BSCL2: variants seen among roughly 807,000 people sequenced by gnomAD.
The protein encoded by BSCL2 is seipin.
In BSCL2, 41 loss-of-function variants were observed where a neutral mutation model predicts 57.4. The ratio of observed to expected loss-of-function variants is 0.71; its 90% confidence interval spans 0.56 to 0.93. The LOEUF (loss-of-function observed/expected upper bound fraction) is 0.93. BSCL2 is among the 40% of genes least tolerant of loss of function. The pLI is 0.00. For missense variants in BSCL2, 539 were observed against 586.7 expected (o/e 0.92, Z 0.84); for synonymous variants, 237 against 227.3 (o/e 1.04, Z -0.38).
At chr11:62,708,551 G>C (rs918715972), upstream of BSCL2, 5 of 1,391,182 alleles carry the variant, frequency 3.6e-6, no homozygotes, top group Admixed American at 2.0e-5. Flanking sequence ...AGGCCTCTGG[G>C]GGGGATGAGG....
Position 62,691,388 on chromosome 11 carries a change from G to C in BSCL2, c.897C>G (p.Ala299=). 6.2e-7 allele frequency: 1 copy of C among 1,614,218 alleles called. No homozygotes were observed. Among genetic ancestry groups the C allele is most frequent in the Non-Finnish European group, 8.5e-7 (1 of 1,180,040 alleles). Residue 299 remains alanine (A), a synonymous_variant, in exon 7 of 11, where the codon GCC becomes GCG. Coordinates refer to ENST00000360796, the MANE Select transcript of BSCL2 (RefSeq NM_001122955.4). ...TGAAGTTGCTGGCAACACCTATGAAGGCGCAGGTCATCGGGAAGTTGTATA... is the reference window on the plus strand; with the variant it reads ...TGAAGTTGCTGGCAACACCTATGAACGCGCAGGTCATCGGGAAGTTGTATA... ...YLLYNFPMTC[A]FIGVASNFTF... is the part of the protein sequence containing the mutation.
At chr11:62,706,118 G>A (rs1469796995) in intron 1 of BSCL2, 12 of 702,604 alleles carry the variant, frequency 1.7e-5, no homozygotes, top group Non-Finnish European at 2.0e-5. Context: ...TACACCCCAC[G>A]CCCGGCGGAG....
At chr11:62,698,984 C>A (rs1457123700) in intron 3 of BSCL2, among the ~76,000 whole-genome samples, 1 of 152,058 alleles carries the variant, frequency 6.6e-6, no homozygotes, top group African/African-American at 2.4e-5. Flanking sequence ...CAGCTCACTG[C>A]AACCTCCGCC....
upstream of BSCL2, chr11:62,708,833 T>G (rs2083586091): frequency 2.6e-6 from 4 of 1,563,290 alleles, no homozygotes; most frequent in Non-Finnish European, 3.5e-6. Flanking sequence ...TCACAACTCC[T>G]CCCTTTTCCC....
intron 3 of BSCL2, chr11:62,697,545 T>C (rs928733968): frequency 2.0e-5 from 3 of 151,706 alleles, no homozygotes; most frequent in Non-Finnish European, 4.4e-5. Flanking sequence ...CCCAGCACTT[T>C]GGGAGGCCAA....
Position 62,690,413 on chromosome 11 carries a change from G to A in BSCL2, c.1343C>T (p.Pro448Leu). Reference sequence around the variant, plus strand: ...GCGCTGTCGGAGAGCACCCCCAGCAGGTTCAGAGCTGCCCAGAGTCTCTAG... The same window carrying A: ...GCGCTGTCGGAGAGCACCCCCAGCAAGTTCAGAGCTGCCCAGAGTCTCTAG... ...PVLETLGSSE[P>L]AGGALRQRPT... is the part of the protein sequence containing the mutation. Residue 448 changes from proline to leucine, a missense_variant, in exon 11 of 11, where the codon CCT becomes CTT. Physicochemically the swap from Pro to Leu is moderately conservative, Grantham distance 98. Transcript: ENST00000360796. The A allele has an allele frequency of 1.9e-6, 3 of 1,614,154 alleles. No homozygotes were observed. The Admixed American group carries it at 5.0e-5, about 27-fold the overall frequency.
chr11:62,696,898 T>G (rs1210946542), intron 3 of BSCL2, among the ~76,000 whole-genome samples: 4 of 151,566 alleles, frequency 2.6e-5, no homozygotes, highest in African/African-American at 4.8e-5. Context: ...CTTAGCCAGG[T>G]GTGGTGGTGC....
At chr11:62,706,384 C>A in intron 1 of BSCL2, 1 of 941,820 alleles carries the variant, frequency 1.1e-6, no homozygotes, top group Non-Finnish European at 1.4e-6. Context: ...CGGGGTCCAG[C>A]ACGGCGGGGC....
chr11:62,690,704 AG>A lies in BSCL2; in HGVS notation c.1154-13del. 1 of 1,613,792 alleles carries A rather than the reference AG, an allele frequency of 6.2e-7. No individual in the cohort carries two copies. The highest frequency in any genetic ancestry group is 8.5e-7 in the Non-Finnish European group (1 of 1,180,012). On this transcript the variant is annotated splice_polypyrimidine_tract_variant and intron_variant, in intron 9 of 10. Transcript: ENST00000360796. ...GGACAGCTGACCCTCTGCAGCCAAA[AG>A]GGGAATGCAGGGGTCAGACCCAGAC...
intron 4 of BSCL2, among the ~76,000 whole-genome samples, chr11:62,693,679 C>G (rs1366101334): frequency 6.6e-6 from 1 of 152,172 alleles, no homozygotes; most frequent in Non-Finnish European, 1.5e-5. Context: ...AATGAGGACA[C>G]AAGCCCATGT....
intron 3 of BSCL2, among the ~76,000 whole-genome samples, chr11:62,700,880 G>A (rs1423285849): frequency 6.6e-6 from 1 of 152,044 alleles, no homozygotes; most frequent in African/African-American, 2.4e-5. Context: ...TTGATCCCAG[G>A]AGTTGGAGGT....
intron 3 of BSCL2, among the ~76,000 whole-genome samples, chr11:62,701,619 C>A (rs1287341084): frequency 1.3e-5 from 2 of 152,076 alleles, no homozygotes; most frequent in African/African-American, 2.4e-5. Flanking sequence ...ATCACAAGGT[C>A]AAGAGATCCA....
At chr11:62,698,647 A>C (rs1945546994) in intron 3 of BSCL2, among the ~76,000 whole-genome samples, 1 of 152,238 alleles carries the variant, frequency 6.6e-6, no homozygotes, top group Non-Finnish European at 1.5e-5. Flanking sequence ...TTCATTCATT[A>C]ATTCATTTAA....
intron 3 of BSCL2, among the ~76,000 whole-genome samples, chr11:62,698,944 T>C (rs1690415955): frequency 6.6e-6 from 1 of 152,186 alleles, no homozygotes; most frequent in Non-Finnish European, 1.5e-5. Flanking sequence ...TCTTGCTCTG[T>C]CGCCAGGCTG....
chr11:62,706,446 C>A (rs189232519), intron 1 of BSCL2: 3 of 426,752 alleles, frequency 7.0e-6, no homozygotes, highest in Non-Finnish European at 1.2e-5. Context: ...TGTCTCCTTG[C>A]GCTCGCCACT....
At chr11:62,706,291 C>G in intron 1 of BSCL2, 3 of 1,113,874 alleles carry the variant, frequency 2.7e-6, no homozygotes, top group South Asian at 4.0e-5. Flanking sequence ...AACCGTGAGA[C>G]GGGACTTCCG....
intron 5 of BSCL2, 84 bp downstream of exon 5, chr11:62,692,579 C>G: frequency 6.2e-7 from 1 of 1,612,594 alleles, no homozygotes; most frequent in East Asian, 2.2e-5. Flanking sequence ...GTGATGTCTC[C>G]TGAGCCTGGA....
At position 62,690,418 on chromosome 11, in the gene BSCL2, A is replaced by T. The variant is rs764974038; in HGVS notation, c.1338T>A (p.Ser446=). 50 of 1,614,202 alleles carry T rather than the reference A, an allele frequency of 3.1e-5. No individual in the cohort carries two copies. The highest frequency in any genetic ancestry group is 3.0e-5 in the Non-Finnish European group (35 of 1,180,032). ...SAPVLETLGS[S]EPAGGALRQR... ...GTCGGAGAGCACCCCCAGCAGGTTCAGAGCTGCCCAGAGTCTCTAGGACAG... is the reference window on the plus strand; with the variant it reads ...GTCGGAGAGCACCCCCAGCAGGTTCTGAGCTGCCCAGAGTCTCTAGGACAG... Residue 446 remains serine, a synonymous_variant, in exon 11 of 11, where the codon TCT becomes TCA. Transcript: ENST00000360796.
At position 62,691,523 on chromosome 11, in the gene BSCL2, G is replaced by A. The variant is rs1015417575; in HGVS notation, c.864-102C>T. The A allele has an allele frequency of 1.7e-5, 24 of 1,419,892 alleles. No individual in the cohort carries two copies. In the Admixed American group the frequency reaches 4.4e-4, roughly 26 times the overall value. The allele number at this position is 1,419,892 out of a possible 1,614,324, so 88.0% of individuals were successfully genotyped here. ...TTCTAGGGCAATTCAAGTGAGTTTG[G>A]TTACAGCTGGCTCTGTCACCCCTGC... is the stretch of plus-strand genomic sequence containing the variant. On this transcript the variant is annotated intron_variant, in intron 6 of 10. Coordinates refer to ENST00000360796, the MANE Select transcript of BSCL2 (RefSeq NM_001122955.4).
Sources: allele counts gnomAD v4.1 joint callset (sites outside exome capture counted in the v4.1 genomes callset), GRCh38; gene constraint gnomAD v4.1.1; transcripts MANE v1.5; gene names NCBI Gene and HGNC (gene_info 2026-07-23, HGNC 2026-07-21).